Variants in PDE6A observed in about 807,000 individuals in gnomAD.
PDE6A encodes the protein phosphodiesterase 6A.
A neutral mutation model predicts 106.3 loss-of-function variants in PDE6A; 84 were observed. The observed-to-expected ratio is 0.79, with a 90% CI of 0.66 to 0.95. PDE6A has a LOEUF of 0.95. Among genes scored for constraint, PDE6A ranks in the 40% least tolerant of loss-of-function variants. The probability of loss-of-function intolerance (pLI) is 0.00; values close to 1 mark genes in which losing one functional copy is unlikely to be tolerated. For missense variants in PDE6A, 1,052 were observed against 1,084.9 expected, an observed-to-expected ratio of 0.97 and a Z score of 0.43; for synonymous variants, 394 against 386.6, an observed-to-expected ratio of 1.02 and a Z score of -0.23.
At chr5:149,878,077 T>C (rs1393081752) in intron 17 of PDE6A, among the ~76,000 whole-genome samples, 1 of 152,222 alleles carries the variant, frequency 6.6e-6, no homozygotes, top group Non-Finnish European at 1.5e-5. Flanking sequence ...GAGTTTGCCT[T>C]TATTTTGTAA....
intron 21 of PDE6A, 65 bp from the exon 22 acceptor site, chr5:149,861,036 C>T (rs1406790117): frequency 1.6e-5 from 24 of 1,464,686 alleles, no homozygotes; most frequent in African/African-American, 2.8e-5. Context: ...TCCCCTTTGA[C>T]CTAATTTGGA....
chr5:149,874,908 C>T (rs1760684613), intron 17 of PDE6A, among the ~76,000 whole-genome samples: 1 of 152,144 alleles, frequency 6.6e-6, no homozygotes, highest in Non-Finnish European at 1.5e-5. Flanking sequence ...TCCAGCTCAG[C>T]CCCCATGATG....
intron 7 of PDE6A, among the ~76,000 whole-genome samples, chr5:149,905,516 A>G (rs1024032715): frequency 9.9e-5 from 15 of 152,180 alleles, no homozygotes; most frequent in Non-Finnish European, 7.3e-5. Flanking sequence ...TATTCAGTCT[A>G]GAAGCCTGAA....
At chr5:149,883,193 T>A (rs1422793900) in intron 17 of PDE6A, among the ~76,000 whole-genome samples, 1 of 152,272 alleles carries the variant, frequency 6.6e-6, no homozygotes, top group Non-Finnish European at 1.5e-5. Context: ...TAACATATTT[T>A]TTTATTCAGA....
intron 8 of PDE6A, among the ~76,000 whole-genome samples, chr5:149,901,320 G>A (rs1032866186): frequency 1.3e-5 from 2 of 152,064 alleles, no homozygotes; most frequent in African/African-American, 4.8e-5. Context: ...CCTGAGGTCG[G>A]GAGTTCAAGA....
Position 149,899,385 on chromosome 5 carries a change from G to A in PDE6A, c.1253C>T (p.Thr418Met), listed in dbSNP as rs756518779. 3.6e-5 allele frequency: 58 copies of A among 1,613,974 alleles called. No individual in the cohort carries two copies. Among genetic ancestry groups the A allele is most frequent in the Admixed American group, 2.8e-4 (17 of 59,990 alleles). ...DGKPFDEMDE[T>M]LMESLTQFLG... The stretch of plus-strand genomic sequence containing the variant: ...CCTAGCAAGCCATACCTCCATGAGC[G>A]TCTCATCCATTTCATCAAAGGGCTT... Residue 418 changes from threonine (T) to methionine (M), a missense_variant, in exon 9 of 22, where the codon ACG (threonine) becomes ATG (methionine). Coordinates refer to ENST00000255266, the MANE Select transcript of PDE6A (RefSeq NM_000440.3).
At position 149,910,874 on chromosome 5, in the gene PDE6A, CTTTTTTT is replaced by C. The variant is rs386405293; in HGVS notation, c.999-3503_999-3497del. 4.3e-3 allele frequency among the ~76,000 whole-genome samples: 378 copies of C among 87,160 alleles called. 1 individual carries two copies. Among genetic ancestry groups the C allele is most frequent in the African/African-American group, 0.017 (364 of 21,508 alleles). 57.2% of individuals were successfully genotyped at this position (87,160 alleles called of 152,430 possible). On this transcript the variant is annotated intron_variant, in intron 6 of 21. Transcript: ENST00000255266. Reference sequence around the variant, plus strand: ...TTCCAAACAAGCCAGTTTCTTTTTCCTTTTTTTTTTTTTTTTTTTTTTTGAGACAGGG... The same window carrying C: ...TTCCAAACAAGCCAGTTTCTTTTTCCTTTTTTTTTTTTTTTTGAGACAGGG...
chr5:149,923,569 ATAACATAACAAAC>A (rs1344307089), intron 4 of PDE6A, among the ~76,000 whole-genome samples: 1 of 106,704 alleles, frequency 9.4e-6, no homozygotes, highest in Non-Finnish European at 1.7e-5. Flanking sequence ...ATAACATAAC[ATAACATAACAAAC>A]AACAACACTA....
At chr5:149,881,868 A>G (rs996472796) in intron 17 of PDE6A, among the ~76,000 whole-genome samples, 2 of 152,056 alleles carry the variant, frequency 1.3e-5, no homozygotes, top group Admixed American at 1.3e-4. Context: ...AGCCTAGGCA[A>G]CATGGCAAAA....
intron 6 of PDE6A, 130 bp downstream of exon 6, chr5:149,914,813 G>T (rs540128573): frequency 2.7e-6 from 2 of 740,600 alleles, no homozygotes; most frequent in Admixed American, 1.8e-5. Flanking sequence ...TGTCTATAAA[G>T]TCAACCTTGT....
rs1760025670 is a variant in PDE6A at position 149,858,820 on chromosome 5, TTTTTTTC to T, written c.*2068_*2074del. On this transcript the variant is annotated 3_prime_UTR_variant, in exon 22 of 22. Transcript: ENST00000255266. ...GAGAAATTCTATCTGCCACATCTTT[TTTTTTTC>T]TTTTTTTTTTTTTTGAGACGGAGTC... 2 of 66,682 alleles carry T rather than the reference TTTTTTTC, an allele frequency of 3.0e-5. No individual in the cohort carries two copies. Among genetic ancestry groups the T allele is most frequent in the African/African-American group, 5.5e-5 (1 of 18,334 alleles). The allele number at this position is 66,682 out of a possible 1,614,324, so 4.1% of individuals were successfully genotyped here.
chr5:149,926,921 T>C (rs1014079846), intron 4 of PDE6A, among the ~76,000 whole-genome samples: 3 of 140,464 alleles, frequency 2.1e-5, no homozygotes, highest in Admixed American at 1.6e-4. Flanking sequence ...GAGGTTGCAA[T>C]GAGCTGAGAT....
At chr5:149,892,506 T>C (rs970305214) in intron 13 of PDE6A, among the ~76,000 whole-genome samples, 3 of 151,330 alleles carry the variant, frequency 2.0e-5, no homozygotes, top group African/African-American at 7.3e-5. Flanking sequence ...TTTTTTTTTT[T>C]TTTGAGACAA....
Position 149,886,329 on chromosome 5 carries a change from T to C in PDE6A, c.1774A>G (p.Met592Val). 2 of 1,614,198 alleles carry C rather than the reference T, an allele frequency of 1.2e-6. No homozygotes were observed. Among genetic ancestry groups the C allele is most frequent in the South Asian group, 2.2e-5 (2 of 91,082 alleles). ...RYFTDLEALA[M>V]VTAAFCHDID... is the part of the protein sequence containing the mutation. ...TCATGGCAGAAAGCAGCAGTGACCA[T>C]GGCCAAGGCCTCTAGGTCCGTGAAG... The change falls in exon 14 of 22, where the codon ATG becomes GTG. Residue 592 changes from methionine (M) to valine (V), a missense_variant. Transcript: ENST00000255266.
chr5:149,877,356 T>C (rs1054962670), intron 17 of PDE6A, among the ~76,000 whole-genome samples: 4 of 152,132 alleles, frequency 2.6e-5, no homozygotes, highest in African/African-American at 9.7e-5. Context: ...GGTGTAAGAA[T>C]GGCTTGAACC....
chr5:149,893,611 G>A (rs1010053933), intron 13 of PDE6A, among the ~76,000 whole-genome samples: 1 of 152,162 alleles, frequency 6.6e-6, no homozygotes, highest in African/African-American at 2.4e-5. Flanking sequence ...ATCCAGTAAG[G>A]TTTCTTTCCA....
chr5:149,918,791 C>G (rs1006904437), intron 5 of PDE6A, among the ~76,000 whole-genome samples: 1 of 146,886 alleles, frequency 6.8e-6, no homozygotes, highest in Admixed American at 6.8e-5. Context: ...TTCTTTTTTT[C>G]TTTTTTTTTT....
At chr5:149,869,957 A>G (rs1435263480) in intron 17 of PDE6A, among the ~76,000 whole-genome samples, 1 of 152,196 alleles carries the variant, frequency 6.6e-6, no homozygotes, top group Non-Finnish European at 1.5e-5. Context: ...GTGAGGCTGT[A>G]AGAGTTACTC....
At chr5:149,910,074 A>G (rs1191921383) in intron 6 of PDE6A, among the ~76,000 whole-genome samples, 12 of 152,104 alleles carry the variant, frequency 7.9e-5, no homozygotes, top group Admixed American at 7.9e-4. Flanking sequence ...ATATTTTTTG[A>G]GGTCATGTTA....
Sources: allele counts gnomAD v4.1 joint callset (sites outside exome capture counted in the v4.1 genomes callset), GRCh38; gene constraint gnomAD v4.1.1; transcripts MANE v1.5; gene names NCBI Gene and HGNC (gene_info 2026-07-23, HGNC 2026-07-21).